The following MACROD2 variants were observed in gnomAD, a reference collection of about 807,000 sequenced individuals.
MACROD2 encodes the protein ADP-ribose glycohydrolase MACROD2.
MACROD2 carries 36 observed loss-of-function variants against 70.4 expected under a neutral mutation model. The ratio of observed to expected loss-of-function variants is 0.51; its 90% CI spans 0.39 to 0.68. The LOEUF (loss-of-function observed/expected upper bound fraction) is 0.68, where lower values mean the gene tolerates loss of function less well. Among genes scored for constraint, MACROD2 ranks in the 30% least tolerant of loss-of-function variants. The probability of loss-of-function intolerance (pLI) is 0.00; values close to 1 mark genes in which losing one functional copy is unlikely to be tolerated. For synonymous variants in MACROD2, 172 were observed against 178.8 expected (o/e 0.96, Z 0.30); for missense variants, 496 against 538.4 (o/e 0.92, Z 0.78).
chr20:14,443,589 G>A (rs545484725), intron 3 of MACROD2, among the ~76,000 whole-genome samples: 6 of 152,164 alleles, frequency 3.9e-5, no homozygotes, highest in East Asian at 3.9e-4. Context: ...GAGCCACTGC[G>A]CCCAGCCTGA....
chr20:15,920,515 T>C (rs1568641175), intron 10 of MACROD2, among the ~76,000 whole-genome samples: 1 of 152,090 alleles, frequency 6.6e-6, no homozygotes, highest in Non-Finnish European at 1.5e-5. Flanking sequence ...ACTGGGCTAA[T>C]TTTTTTTCTC....
At chr20:14,483,040 C>T (rs408463) in intron 3 of MACROD2, among the ~76,000 whole-genome samples, 25,236 of 152,128 alleles carry the variant, frequency 0.17, 2,612 homozygotes, top group South Asian at 0.37. Context: ...GCTAGTAATA[C>T]GCCTGGCATC....
intron 2 of MACROD2, among the ~76,000 whole-genome samples, chr20:14,078,946 C>A (rs1031436208): frequency 2.0e-5 from 3 of 152,022 alleles, no homozygotes; most frequent in Non-Finnish European, 4.4e-5. Flanking sequence ...TTTGCCAATA[C>A]CCTCATTGTC....
chr20:15,418,552 G>A (rs1490542366), intron 6 of MACROD2, among the ~76,000 whole-genome samples: 2 of 152,180 alleles, frequency 1.3e-5, no homozygotes, highest in East Asian at 1.9e-4. Flanking sequence ...GTTGGTTGGT[G>A]TGAATAGATT....
At chr20:15,048,082 G>C (rs553587133) in intron 5 of MACROD2, among the ~76,000 whole-genome samples, 1 of 130,110 alleles carries the variant, frequency 7.7e-6, no homozygotes, top group Non-Finnish European at 1.8e-5. Context: ...CGGCCAACAT[G>C]GTGAAACCCT....
intron 10 of MACROD2, among the ~76,000 whole-genome samples, chr20:15,899,154 T>C (rs906726413): frequency 7.9e-5 from 12 of 151,906 alleles, no homozygotes; most frequent in African/African-American, 1.5e-4. Flanking sequence ...GGTGTATATA[T>C]ATCTGTAGGT....
intron 10 of MACROD2, among the ~76,000 whole-genome samples, chr20:15,900,422 C>G (rs2065047099): frequency 6.6e-6 from 1 of 152,124 alleles, no homozygotes; most frequent in Non-Finnish European, 1.5e-5. Context: ...CTGCTTGATT[C>G]CAGGCCATTC....
intron 4 of MACROD2, among the ~76,000 whole-genome samples, chr20:14,661,170 A>G (rs1986208754): frequency 1.3e-5 from 2 of 151,800 alleles, no homozygotes; most frequent in African/African-American, 4.8e-5. Context: ...TCCAGCCACC[A>G]GTGTGTAAGT....
chr20:14,382,664 G>A (rs924966384), intron 3 of MACROD2, among the ~76,000 whole-genome samples: 5 of 138,990 alleles, frequency 3.6e-5, no homozygotes, highest in African/African-American at 1.2e-4. Flanking sequence ...GCAAAACTCC[G>A]TCTCAAAAAA....
At chr20:15,909,972 A>C (rs2065211672) in intron 10 of MACROD2, among the ~76,000 whole-genome samples, 1 of 152,130 alleles carries the variant, frequency 6.6e-6, no homozygotes. Flanking sequence ...AGGATTTCTG[A>C]GTGAGAAGAT....
intron 8 of MACROD2, among the ~76,000 whole-genome samples, chr20:15,777,590 C>G (rs1293029025): frequency 1.5e-5 from 2 of 135,460 alleles, no homozygotes; most frequent in Admixed American, 7.6e-5. Flanking sequence ...TCCTTCCTTC[C>G]TTCCTTCCTT....
chr20:14,095,378 A>G (rs2054209344), intron 3 of MACROD2, among the ~76,000 whole-genome samples: 1 of 152,230 alleles, frequency 6.6e-6, no homozygotes, highest in Non-Finnish European at 1.5e-5. Flanking sequence ...TTAAAGACAT[A>G]GATTAAGTTA....
chr20:15,394,554 C>T (rs116809954), intron 6 of MACROD2, among the ~76,000 whole-genome samples: 1,643 of 152,260 alleles, frequency 0.011, 45 homozygotes, highest in African/African-American at 0.038. Context: ...ATGACAGGGC[C>T]AAATAAACCA....
At chr20:14,515,454 T>TACACACAC (rs771413463) in intron 4 of MACROD2, among the ~76,000 whole-genome samples, 4,173 of 115,228 alleles carry the variant, frequency 0.036, 70 homozygotes, top group Middle Eastern at 0.085. Flanking sequence ...ATATGTGAGA[T>TACACACAC]ACACACACAC....
intron 3 of MACROD2, among the ~76,000 whole-genome samples, chr20:14,280,607 A>G (rs1422888280): frequency 6.6e-6 from 1 of 152,240 alleles, no homozygotes; most frequent in Non-Finnish European, 1.5e-5. Context: ...TGACACAGGC[A>G]CATTTAGCCC....
intron 3 of MACROD2, among the ~76,000 whole-genome samples, chr20:14,272,072 A>G (rs936819003): frequency 6.6e-6 from 1 of 152,192 alleles, no homozygotes; most frequent in Non-Finnish European, 1.5e-5. Context: ...AACACTCTGC[A>G]GGGTATTATC....
rs568549363 is a variant in MACROD2 at position 15,655,119 on chromosome 20, A to G, written c.645+155272A>G. Reference sequence around the variant, plus strand: ...TGAAAAATACAATGTGTGTGTGTGTATGTGTGTGCGTGTGTGTGTTGTGTG... The same window carrying G: ...TGAAAAATACAATGTGTGTGTGTGTGTGTGTGTGCGTGTGTGTGTTGTGTG... On this transcript the variant is annotated intron_variant, in intron 8 of 17. Coordinates refer to ENST00000684519, the MANE Select transcript of MACROD2 (RefSeq NM_001351661.2). Among the ~76,000 whole-genome samples, 52 of 151,658 alleles carry G rather than the reference A, an allele frequency of 3.4e-4. No homozygotes were observed. The East Asian group carries it at 6.8e-3, about 20-fold the overall frequency.
At chr20:14,640,736 A>G (rs145519333) in intron 4 of MACROD2, among the ~76,000 whole-genome samples, 53 of 152,346 alleles carry the variant, frequency 3.5e-4, no homozygotes, top group Middle Eastern at 3.4e-3. Context: ...ACTATAGTCT[A>G]TTAGGTGTAT....
chr20:15,212,977 C>T (rs567598381), intron 5 of MACROD2, among the ~76,000 whole-genome samples: 13 of 152,152 alleles, frequency 8.5e-5, no homozygotes, highest in South Asian at 4.1e-4. Context: ...TGGTTTTGAT[C>T]GCCCTCAAGT....
Sources: gnomAD v4.1 joint callset for allele counts (sites outside exome capture counted in the v4.1 genomes callset) on GRCh38, gnomAD v4.1.1 for gene constraint, MANE v1.5 for transcripts, NCBI Gene and HGNC (gene_info 2026-07-23, HGNC 2026-07-21) for gene names.